The following EXOC5 variants were observed in gnomAD, a reference collection of about 807,000 sequenced individuals.
EXOC5 encodes the protein exocyst complex component 5, also known as SEC10-like 1.
A neutral mutation model predicts 90.8 loss-of-function variants in EXOC5; 17 were observed. That is an observed-to-expected ratio of 0.19 (90% CI 0.13 to 0.28). The LOEUF (loss-of-function observed/expected upper bound fraction) is 0.28. Among genes scored for constraint, EXOC5 ranks in the 10% least tolerant of loss-of-function variants. The probability of loss-of-function intolerance (pLI) is 1.00; values close to 1 mark genes in which losing one functional copy is unlikely to be tolerated. For synonymous variants in EXOC5, 260 were observed against 270.0 expected (o/e 0.96, Z 0.36); for missense variants, 569 against 830.6 (o/e 0.69, Z 3.87).
chr14:57,217,934 G>C lies in EXOC5; in HGVS notation c.1613+48C>G, dbSNP rs757311583. The C allele has an allele frequency of 2.1e-5, 18 of 875,702 alleles. No homozygotes were observed. In the South Asian group the frequency reaches 2.5e-4, roughly 12 times the overall value. 54.2% of individuals were successfully genotyped at this position (875,702 alleles called of 1,614,324 possible). A position where few individuals can be genotyped will look rare whatever the true frequency, so the allele number is the denominator to read the frequency against. ...AGTATTTTCATGCTGCTATAATATG[G>C]TGTTTTTATAATTTAAAAAAATGCA... On this transcript the variant is annotated intron_variant, in intron 15 of 17. Transcript: ENST00000621441.
chr14:57,244,054 G>C, intron 4 of EXOC5, 111 bp downstream of exon 4: 1 of 686,882 alleles, frequency 1.5e-6, no homozygotes, highest in South Asian at 1.9e-5. Flanking sequence ...CTTTTAATAA[G>C]TCAGCTACTC....
chr14:57,215,360 G>C (rs1290419597), intron 15 of EXOC5, among the ~76,000 whole-genome samples: 2 of 151,226 alleles, frequency 1.3e-5, no homozygotes, highest in Non-Finnish European at 2.9e-5. Flanking sequence ...AGCCAGAGAA[G>C]GACAATATAG....
At chr14:57,213,079 G>C (rs1185784692) in intron 15 of EXOC5, among the ~76,000 whole-genome samples, 1 of 152,134 alleles carries the variant, frequency 6.6e-6, no homozygotes, top group African/African-American at 2.4e-5. Context: ...TGTTTGTCCA[G>C]CAGCTTTGAT....
At position 57,208,775 on chromosome 14, in the gene EXOC5, A is replaced by G. The variant is rs1376150390; in HGVS notation, c.1961T>C (p.Phe654Ser). 2 of 1,600,900 alleles carry G rather than the reference A, an allele frequency of 1.2e-6. No individual in the cohort carries two copies. Among genetic ancestry groups the G allele is most frequent in the South Asian group, 1.1e-5 (1 of 90,536 alleles). ...ATTGCAAAGAGCATGCAGAGTATCA[A>G]AAAGATGTAATACCATTGGAATCTG... ...DFKIPMVLHL[F>S]DTLHALCNLL... is the part of the protein sequence containing the mutation. Residue 654 changes from phenylalanine to serine, a missense_variant, in exon 18 of 18, where the codon TTT becomes TCT. This residue lies in a region of EXOC5 where 122 missense variants were observed against 180.0 expected (regional missense o/e 0.68). Coordinates refer to ENST00000621441, the MANE Select transcript of EXOC5 (RefSeq NM_006544.4).
Position 57,235,960 on chromosome 14 carries a change from C to T in EXOC5, c.560-140G>A. 8.4e-6 allele frequency: 5 copies of T among 592,870 alleles called. No homozygotes were observed. In the South Asian group the frequency reaches 1.1e-4, roughly 13 times the overall value. 36.7% of individuals were successfully genotyped at this position (592,870 alleles called of 1,614,324 possible). ...TTACAAAAACAAATGAGATTATAGG[C>T]CGTGAACCCAGCCCCTGTAATATAC... On this transcript the variant is annotated intron_variant, in intron 6 of 17. Coordinates refer to ENST00000621441, the MANE Select transcript of EXOC5 (RefSeq NM_006544.4).
At position 57,268,828 on chromosome 14, in the gene EXOC5, G is replaced by C. The variant is rs1884791447; in HGVS notation, c.-180C>G. On this transcript the variant is annotated 5_prime_UTR_variant, in exon 1 of 18. Transcript: ENST00000621441. ...GGGAGAGCGGCCATGAAGCGAAGCC[G>C]CAAACGCTTGTCAGCTGCCTCCCGG... is the stretch of plus-strand genomic sequence containing the variant. The C allele has an allele frequency of 7.4e-7, 1 of 1,358,072 alleles. No homozygotes were observed. The highest frequency in any genetic ancestry group is 9.5e-7 in the Non-Finnish European group (1 of 1,053,316). 84.1% of individuals were successfully genotyped at this position (1,358,072 alleles called of 1,614,324 possible). A position where few individuals can be genotyped will look rare whatever the true frequency, so the allele number is the denominator to read the frequency against.
At position 57,204,228 on chromosome 14, in the gene EXOC5, C is replaced by A. The variant is rs1431144207; in HGVS notation, c.*4381G>T. The A allele has an allele frequency of 2.0e-5, 3 of 152,114 alleles. No individual in the cohort carries two copies. In the East Asian group the frequency reaches 5.8e-4, roughly 29 times the overall value. The allele number at this position is 152,114 out of a possible 1,614,324, so 9.4% of individuals were successfully genotyped here. A position where few individuals can be genotyped will look rare whatever the true frequency, so the allele number is the denominator to read the frequency against. ...ATAGGAATTTTGTTAAGCCCAGGGGCAGCCTAGCTGCTTTAATTTGGCAAT... is the reference window on the plus strand; with the variant it reads ...ATAGGAATTTTGTTAAGCCCAGGGGAAGCCTAGCTGCTTTAATTTGGCAAT... On this transcript the variant is annotated 3_prime_UTR_variant, in exon 18 of 18. Transcript: ENST00000621441.
intron 1 of EXOC5, among the ~76,000 whole-genome samples, chr14:57,253,944 T>C (rs1419182244): frequency 1.3e-5 from 2 of 152,144 alleles, no homozygotes; most frequent in Non-Finnish European, 2.9e-5. Flanking sequence ...TTGGCAATGA[T>C]TTCTTGAATA....
intron 1 of EXOC5, among the ~76,000 whole-genome samples, chr14:57,257,696 A>G (rs1884392015): frequency 6.6e-6 from 1 of 152,054 alleles, no homozygotes; most frequent in Non-Finnish European, 1.5e-5. Context: ...AAATAAATAA[A>G]TAAAAATTTA....
Position 57,262,508 on chromosome 14 carries a change from T to C in EXOC5, c.27+6114A>G, listed in dbSNP as rs113196813. On this transcript the variant is annotated intron_variant, in intron 1 of 17. Transcript: ENST00000621441. Reference sequence around the variant, plus strand: ...CCTTGTGGACTTCTTTACCAGGATGTCTTGCTAAAAACTCAAAGTGTAAAT... The same window carrying C: ...CCTTGTGGACTTCTTTACCAGGATGCCTTGCTAAAAACTCAAAGTGTAAAT... Among the ~76,000 whole-genome samples, 73 of 151,222 alleles carry C rather than the reference T, an allele frequency of 4.8e-4. 1 individual carries two copies. The highest frequency in any genetic ancestry group is 1.7e-3 in the African/African-American group (71 of 41,202).
At chr14:57,262,651 T>C (rs1566508197) in intron 1 of EXOC5, among the ~76,000 whole-genome samples, 1 of 147,454 alleles carries the variant, frequency 6.8e-6, no homozygotes, top group Non-Finnish European at 1.5e-5. Context: ...TATATACATA[T>C]ATACATATAT....
rs139298131 is a variant in EXOC5, at chr14:57,225,511, T to A, written c.1297-3095A>T. Among the ~76,000 whole-genome samples, 1,061 of 150,964 alleles carry A rather than the reference T, an allele frequency of 7.0e-3. 8 individuals carry two copies. Among genetic ancestry groups the A allele is most frequent in the Non-Finnish European group, 0.011 (735 of 67,736 alleles). ...GGCAAAATAACAAATAAAAGACATC[T>A]ATATTGGAAAAAATAAGTAAAACTG... On this transcript the variant is annotated intron_variant, in intron 12 of 17. Transcript: ENST00000621441.
chr14:57,264,754 C>T (rs980880415), intron 1 of EXOC5, among the ~76,000 whole-genome samples: 2 of 152,174 alleles, frequency 1.3e-5, no homozygotes, highest in African/African-American at 2.4e-5. Flanking sequence ...AATTCAAATG[C>T]CACCTTCTAA....
At chr14:57,223,999 G>T (rs1883228716) in intron 12 of EXOC5, among the ~76,000 whole-genome samples, 1 of 152,028 alleles carries the variant, frequency 6.6e-6, no homozygotes, top group Non-Finnish European at 1.5e-5. Flanking sequence ...AACATTAAAA[G>T]GATTTGAACT....
chr14:57,265,292 C>A (rs1275221765), intron 1 of EXOC5, among the ~76,000 whole-genome samples: 8 of 152,068 alleles, frequency 5.3e-5, no homozygotes, highest in Admixed American at 2.0e-4. Context: ...AGTTACTAAC[C>A]AAGAACTCTC....
intron 6 of EXOC5, 48 bp from the exon 7 acceptor site, chr14:57,235,868 G>T: frequency 1.2e-6 from 1 of 866,878 alleles, no homozygotes; most frequent in Non-Finnish European, 1.9e-6. Flanking sequence ...AGGCATCCAC[G>T]TTATTTAAGA....
Position 57,222,214 on chromosome 14 carries a change from A to G in EXOC5, c.1405+94T>C, listed in dbSNP as rs1423425608. The G allele has an allele frequency of 5.0e-6, 3 of 600,002 alleles. No individual in the cohort carries two copies. In the African/African-American group the frequency reaches 5.6e-5, roughly 11 times the overall value. The allele number at this position is 600,002 out of a possible 1,614,324, so 37.2% of individuals were successfully genotyped here. A position where few individuals can be genotyped will look rare whatever the true frequency, so the allele number is the denominator to read the frequency against. ...CATTGCACCGAACTGAATTTGAGAC[A>G]CAGAGATGATTATAAGCAAAACAAC... On this transcript the variant is annotated intron_variant, in intron 13 of 17. Transcript: ENST00000621441.
intron 1 of EXOC5, among the ~76,000 whole-genome samples, chr14:57,259,082 C>T (rs993320456): frequency 2.0e-5 from 3 of 152,024 alleles, no homozygotes; most frequent in Non-Finnish European, 2.9e-5. Flanking sequence ...CTATATAATT[C>T]CTACTACACT....
intron 13 of EXOC5, among the ~76,000 whole-genome samples, chr14:57,220,672 C>A (rs1317782230): frequency 2.0e-5 from 3 of 152,034 alleles, no homozygotes; most frequent in Non-Finnish European, 2.9e-5. Context: ...CAGTGGCATG[C>A]ACCTGTAGTT....
Sources: allele counts gnomAD v4.1 joint callset (sites outside exome capture counted in the v4.1 genomes callset), GRCh38; gene constraint gnomAD v4.1.1; regional missense constraint gnomAD v4.1.1; transcripts MANE v1.5; gene names NCBI Gene and HGNC (gene_info 2026-07-23, HGNC 2026-07-21).